Variants in ZFYVE27 observed in about 807,000 individuals in gnomAD.
ZFYVE27 encodes the protein zinc finger FYVE-type containing 27, also known as protrudin.
Under a neutral mutation model 52.8 loss-of-function variants are expected in ZFYVE27, and 36 were observed. The observed-to-expected ratio is 0.68, with a 90% confidence interval of 0.52 to 0.90. The LOEUF (loss-of-function observed/expected upper bound fraction) is 0.90. Among genes scored for constraint, ZFYVE27 ranks in the 40% least tolerant of loss-of-function variants. The pLI, the probability that ZFYVE27 is intolerant of heterozygous loss-of-function variation, is 0.00. For synonymous variants in ZFYVE27, 223 were observed against 215.6 expected (o/e 1.03, Z -0.30); for missense variants, 450 against 527.2 (o/e 0.85, Z 1.43).
rs1250539099 is a variant in ZFYVE27 at position 97,738,463 on chromosome 10, T to C, written c.-1-14T>C. On this transcript the variant is annotated splice_polypyrimidine_tract_variant and intron_variant, in intron 1 of 12. Transcript: ENST00000684270. Reference sequence around the variant, plus strand: ...GACGTGCAATGCAAATGTTGGGAATTATTATGGTTACAGGATGCAGACATC... The same window carrying C: ...GACGTGCAATGCAAATGTTGGGAATCATTATGGTTACAGGATGCAGACATC... 2.5e-6 allele frequency: 4 copies of C among 1,613,466 alleles called. No homozygotes were observed. Among genetic ancestry groups the C allele is most frequent in the Non-Finnish European group, 3.4e-6 (4 of 1,179,942 alleles).
rs1449817374 is a variant in ZFYVE27, at chr10:97,750,211, G to A, written c.665-120G>A. 7.1e-5 allele frequency: 92 copies of A among 1,292,668 alleles called. 1 individual carries two copies. The South Asian group carries it at 7.4e-4, about 10-fold the overall frequency. The allele number at this position is 1,292,668 out of a possible 1,614,324, so 80.1% of individuals were successfully genotyped here. Reference sequence around the variant, plus strand: ...AGGTGACTCGCTCAGAGTTAGGAGGGTGACTCTTTCCTGTAGTGAAGGGAA... The same window carrying A: ...AGGTGACTCGCTCAGAGTTAGGAGGATGACTCTTTCCTGTAGTGAAGGGAA... On this transcript the variant is annotated intron_variant, in intron 6 of 12. Coordinates refer to ENST00000684270, the MANE Select transcript of ZFYVE27 (RefSeq NM_001385875.1).
intron 1 of ZFYVE27, among the ~76,000 whole-genome samples, chr10:97,737,992 G>A (rs1254440086): frequency 6.6e-6 from 1 of 152,238 alleles, no homozygotes; most frequent in African/African-American, 2.4e-5. Context: ...TTACTTTGAC[G>A]TGGTCAGTGC....
At chr10:97,740,035 G>A (rs1169534408) in intron 2 of ZFYVE27, among the ~76,000 whole-genome samples, 9 of 152,160 alleles carry the variant, frequency 5.9e-5, no homozygotes, top group Non-Finnish European at 1.5e-5. Context: ...CCCTGAAACT[G>A]CATGTAAAAT....
chr10:97,749,567 G>T lies in ZFYVE27; in HGVS notation c.645G>T (p.Gly215=). 1.2e-6 allele frequency: 2 copies of T among 1,614,154 alleles called. No homozygotes were observed. Among genetic ancestry groups the T allele is most frequent in the Non-Finnish European group, 1.7e-6 (2 of 1,179,994 alleles). ...LTLLNSTLFL[G]NVEFFRVVSE... ...TTTTAAACAGCACGCTCTTTCTGGG[G>T]AATGTGGAGTTCTTCCGAGGTAAGC... The change falls in exon 6 of 13, where the codon GGG becomes GGT. Residue 215 remains glycine (G), a synonymous_variant. Coordinates refer to ENST00000684270, the MANE Select transcript of ZFYVE27 (RefSeq NM_001385875.1).
chr10:97,748,464 C>G, intron 5 of ZFYVE27, 100 bp downstream of exon 5: 2 of 1,204,552 alleles, frequency 1.7e-6, no homozygotes, highest in Non-Finnish European at 2.4e-6. Context: ...CCTCTTACCT[C>G]AGGGGAAGAG....
intron 10 of ZFYVE27, chr10:97,754,863 T>G: frequency 7.8e-7 from 1 of 1,278,210 alleles, no homozygotes. Flanking sequence ...GTAAAGGTAC[T>G]TAGCTGTTCC....
chr10:97,756,151 C>T (rs1351980795), intron 10 of ZFYVE27, among the ~76,000 whole-genome samples: 2 of 152,142 alleles, frequency 1.3e-5, no homozygotes, highest in Non-Finnish European at 2.9e-5. Context: ...GTGTCCCTTG[C>T]TAAGGAGAGG....
At chr10:97,743,819 T>C (rs2044418740) in intron 3 of ZFYVE27, among the ~76,000 whole-genome samples, 1 of 152,198 alleles carries the variant, frequency 6.6e-6, no homozygotes, top group South Asian at 2.1e-4. Context: ...ATGAACCTCT[T>C]ACTACAGTGC....
chr10:97,751,106 G>A (rs1013704146), intron 7 of ZFYVE27, among the ~76,000 whole-genome samples: 8 of 152,156 alleles, frequency 5.3e-5, no homozygotes, highest in Non-Finnish European at 1.0e-4. Flanking sequence ...CAGAGTGGCT[G>A]GTAAGTGGCA....
In ZFYVE27 at chr10:97,753,171, CCAA is replaced by C. The variant is rs1444936794; in HGVS notation, c.1036_1038del (p.Asn346del). On this transcript the variant is annotated inframe_deletion, in exon 10 of 13. Coordinates refer to ENST00000684270, the MANE Select transcript of ZFYVE27 (RefSeq NM_001385875.1). ...GAGCGGCTCCGCAAGCGCTACCCCA[CCAA>C]CAACTTCGGTGCGGCCAGGGGACAG... 1.2e-6 allele frequency: 2 copies of C among 1,610,918 alleles called. No homozygotes were observed. The highest frequency in any genetic ancestry group is 2.2e-5 in the East Asian group (1 of 44,702).
intron 2 of ZFYVE27, among the ~76,000 whole-genome samples, chr10:97,740,462 C>T (rs1034133091): frequency 2.0e-5 from 3 of 152,186 alleles, no homozygotes; most frequent in Admixed American, 2.0e-4. Context: ...GCTGTGCCCC[C>T]GGCACATTCT....
chr10:97,751,551 C>A, intron 8 of ZFYVE27, 89 bp downstream of exon 8: 2 of 1,319,398 alleles, frequency 1.5e-6, no homozygotes, highest in Non-Finnish European at 2.2e-6. Context: ...TTTTAATGTC[C>A]AAGTGAGAAG....
In ZFYVE27 at chr10:97,738,630, G is replaced by A; in HGVS notation, c.153G>A (p.Leu51=). The A allele has an allele frequency of 6.2e-7, 1 of 1,614,170 alleles. No individual in the cohort carries two copies. The highest frequency in any genetic ancestry group is 8.5e-7 in the Non-Finnish European group (1 of 1,180,034). Reference sequence around the variant, plus strand: ...CCTACAAGAGGCTGGAGATCTACCTGGAACCCTTGAAGGATGCAGGTGATG... The same window carrying A: ...CCTACAAGAGGCTGGAGATCTACCTAGAACCCTTGAAGGATGCAGGTGATG... ...VLSYKRLEIY[L]EPLKDAGDGV... is the part of the protein sequence containing the mutation. Residue 51 remains leucine, a synonymous_variant, in exon 2 of 13, where the codon CTG becomes CTA. Coordinates refer to ENST00000684270, the MANE Select transcript of ZFYVE27 (RefSeq NM_001385875.1).
chr10:97,739,009 A>G (rs988555402), intron 2 of ZFYVE27, among the ~76,000 whole-genome samples: 1 of 152,200 alleles, frequency 6.6e-6, no homozygotes, highest in Non-Finnish European at 1.5e-5. Flanking sequence ...CCCCAATATT[A>G]GCATAATTAA....
At position 97,753,194 on chromosome 10, in the gene ZFYVE27, G is replaced by A; in HGVS notation, c.1042+12G>A. 1 of 1,609,006 alleles carries A rather than the reference G, an allele frequency of 6.2e-7. No homozygotes were observed. Among genetic ancestry groups the A allele is most frequent in the East Asian group, 2.2e-5 (1 of 44,682 alleles). ...CACCAACAACTTCGGTGCGGCCAGG[G>A]GACAGGGCTGGGCTGGTGGGGGAGT... On this transcript the variant is annotated intron_variant, in intron 10 of 12. Coordinates refer to ENST00000684270, the MANE Select transcript of ZFYVE27 (RefSeq NM_001385875.1).
chr10:97,748,299 C>A lies in ZFYVE27; in HGVS notation c.486C>A (p.Arg162=), dbSNP rs1313473029. ...TCCAGCTGGAGGCCTTCCTGAGCCG[C>A]CTGTGCTGCACATGTGAAGCCGCCT... is the stretch of plus-strand genomic sequence containing the variant. The part of the protein sequence containing the change: ...FLIQLEAFLS[R]LCCTCEAAYR... Residue 162 remains arginine (R), a synonymous_variant, in exon 5 of 13, where the codon CGC becomes CGA. Coordinates refer to ENST00000684270, the MANE Select transcript of ZFYVE27 (RefSeq NM_001385875.1). 6.2e-7 allele frequency: 1 copy of A among 1,614,072 alleles called. No individual in the cohort carries two copies. The highest frequency in any genetic ancestry group is 1.3e-5 in the African/African-American group (1 of 74,942).
At position 97,759,526 on chromosome 10, in the gene ZFYVE27, C is replaced by G. The variant is rs1466097285; in HGVS notation, c.*226C>G. 2.5e-5 allele frequency: 15 copies of G among 610,922 alleles called. No homozygotes were observed. Among genetic ancestry groups the G allele is most frequent in the Non-Finnish European group, 6.0e-6 (2 of 336,038 alleles). The allele number at this position is 610,922 out of a possible 1,614,324, so 37.8% of individuals were successfully genotyped here. On this transcript the variant is annotated 3_prime_UTR_variant, in exon 13 of 13. Transcript: ENST00000684270. ...CTCAATCCCTTGAGGGAGAAGAGCCCCTGGAGGGCCTGGCATGTTTGTCCT... is the reference window on the plus strand; with the variant it reads ...CTCAATCCCTTGAGGGAGAAGAGCCGCTGGAGGGCCTGGCATGTTTGTCCT...
intron 1 of ZFYVE27, among the ~76,000 whole-genome samples, chr10:97,737,675 G>C (rs1426330944): frequency 2.0e-5 from 3 of 152,192 alleles, no homozygotes; most frequent in Non-Finnish European, 4.4e-5. Context: ...GTTGCTCTTC[G>C]CCGAGGTTCC....
intron 7 of ZFYVE27, among the ~76,000 whole-genome samples, chr10:97,750,792 G>A (rs975173653): frequency 6.6e-6 from 1 of 151,034 alleles, no homozygotes; most frequent in African/African-American, 2.4e-5. Context: ...CCAGGCTAGA[G>A]GGCAGTGGGG....
Sources: allele counts gnomAD v4.1 joint callset (sites outside exome capture counted in the v4.1 genomes callset), GRCh38; gene constraint gnomAD v4.1.1; transcripts MANE v1.5; gene names NCBI Gene and HGNC (gene_info 2026-07-23, HGNC 2026-07-21).